Variants in LIPN observed in about 807,000 individuals in gnomAD.
LIPN encodes lipase member N.
Under a neutral mutation model 43.7 loss-of-function variants are expected in LIPN, and 32 were observed. The observed-to-expected ratio is 0.73, with a 90% CI of 0.55 to 0.98. The LOEUF is 0.98. LIPN is among the 50% of genes least tolerant of loss of function. LIPN has a pLI of 0.00. For missense variants in LIPN, 505 were observed against 483.8 expected (o/e 1.04, Z -0.41); for synonymous variants, 156 against 157.6 (o/e 0.99, Z 0.08).
At chr10:88,772,103 ATT>A (rs35059517) in intron 7 of LIPN, among the ~76,000 whole-genome samples, 28,860 of 146,678 alleles carry the variant, frequency 0.2, 2,746 homozygotes, top group Non-Finnish European at 0.21. Context: ...TTTAAATCAG[ATT>A]TTTTTTTTTT....
chr10:88,763,980 T>A (rs1233546698), intron 3 of LIPN, among the ~76,000 whole-genome samples: 2 of 151,978 alleles, frequency 1.3e-5, no homozygotes, highest in African/African-American at 4.8e-5. Context: ...TAGAGCACAG[T>A]AGTTATCAGG....
At position 88,778,817 on chromosome 10, in the gene LIPN, C is replaced by T. The variant is rs769134828; in HGVS notation, c.*575C>T. Reference sequence around the variant, plus strand: ...TTACAATCTTATCCCTGGCTATCTGCGTAAACGGAATCTTGAACCCATAAT... The same window carrying T: ...TTACAATCTTATCCCTGGCTATCTGTGTAAACGGAATCTTGAACCCATAAT... On this transcript the variant is annotated 3_prime_UTR_variant, in exon 10 of 10. Transcript: ENST00000404459. Among the ~76,000 whole-genome samples the T allele has an allele frequency of 6.6e-6, 1 of 152,144 alleles. No individual in the cohort carries two copies. Among genetic ancestry groups the T allele is most frequent in the South Asian group, 2.1e-4 (1 of 4,828 alleles).
intron 7 of LIPN, among the ~76,000 whole-genome samples, chr10:88,771,605 T>G (rs1843210593): frequency 6.6e-6 from 1 of 151,900 alleles, no homozygotes; most frequent in African/African-American, 2.4e-5. Context: ...TCATTCTTCT[T>G]ATGGCTGTCT....
rs374284704 is a variant in LIPN, at chr10:88,766,338, G to T, written c.495G>T (p.Glu165Asp). 1.9e-6 allele frequency: 3 copies of T among 1,609,216 alleles called. No individual in the cohort carries two copies. Among genetic ancestry groups the T allele is most frequent in the Non-Finnish European group, 1.7e-6 (2 of 1,176,362 alleles). ...TCATTGTAAATAAAACTGGTCAGGA[G>T]AAATTGTATTTCATTGGACATTCAC... The part of the protein sequence containing the change: ...IDFIVNKTGQ[E>D]KLYFIGHSLG... The change falls in exon 5 of 10, where the codon GAG becomes GAT. Residue 165 changes from glutamate (E) to aspartate (D), a missense_variant. By Grantham distance (45) the Glu-to-Asp change is conservative. Transcript: ENST00000404459.
chr10:88,765,149 A>C (rs983731989), intron 4 of LIPN, among the ~76,000 whole-genome samples: 2 of 151,852 alleles, frequency 1.3e-5, no homozygotes, highest in Admixed American at 1.3e-4. Context: ...TTTCAGGAAA[A>C]CTCCAATATT....
chr10:88,758,505 G>T (rs1380935387), upstream of LIPN, among the ~76,000 whole-genome samples: 1 of 148,786 alleles, frequency 6.7e-6, no homozygotes, highest in South Asian at 2.1e-4. Flanking sequence ...TAGAAATATT[G>T]TAACATTATA....
chr10:88,769,119 C>T (rs1193918211), intron 6 of LIPN, among the ~76,000 whole-genome samples, 191 bp downstream of exon 6: 1 of 151,882 alleles, frequency 6.6e-6, no homozygotes, highest in Non-Finnish European at 1.5e-5. Flanking sequence ...TCTGCAGGTT[C>T]TGTAATACAA....
In LIPN at chr10:88,764,431, T is replaced by C. The variant is rs771550447; in HGVS notation, c.248T>C (p.Met83Thr). ...RSTGPRPVVYMQHALFADNAY... is the reference protein window; with the variant it reads ...RSTGPRPVVYTQHALFADNAY... Reference sequence around the variant, plus strand: ...CCAGGTCCCCGGCCAGTTGTGTATATGCAGCATGCCCTGTTTGCAGACAAT... The same window carrying C: ...CCAGGTCCCCGGCCAGTTGTGTATACGCAGCATGCCCTGTTTGCAGACAAT... Residue 83 changes from methionine (M) to threonine (T), a missense_variant, in exon 4 of 10, where the codon ATG (methionine) becomes ACG (threonine). Coordinates refer to ENST00000404459, the MANE Select transcript of LIPN (RefSeq NM_001102469.2). 3 of 1,611,986 alleles carry C rather than the reference T, an allele frequency of 1.9e-6. No homozygotes were observed. In the Admixed American group the frequency reaches 5.0e-5, roughly 27 times the overall value.
chr10:88,769,018 G>A (rs1843160564), intron 6 of LIPN, 90 bp downstream of exon 6: 3 of 1,282,740 alleles, frequency 2.3e-6, no homozygotes, highest in Non-Finnish European at 3.3e-6. Flanking sequence ...GTAAAAGTAG[G>A]AAATTTAGAT....
In LIPN at chr10:88,768,015, T is replaced by TACACACATAC. The variant is rs1370426410; in HGVS notation, c.536-770_536-769insTACACACACA. 2.0e-3 allele frequency among the ~76,000 whole-genome samples: 289 copies of TACACACATAC among 141,062 alleles called. 2 individuals carry two copies. Among genetic ancestry groups the TACACACATAC allele is most frequent in the East Asian group, 8.6e-3 (39 of 4,554 alleles). The allele number at this position is 141,062 out of a possible 152,430, so 92.5% of individuals were successfully genotyped here. A position where few individuals can be genotyped will look rare whatever the true frequency, so the allele number is the denominator to read the frequency against. On this transcript the variant is annotated intron_variant, in intron 5 of 9. Coordinates refer to ENST00000404459, the MANE Select transcript of LIPN (RefSeq NM_001102469.2). ...TTTAATGTTCCAACAAGTGTTTCAGTACACACACACACACACACACACACA... is the reference window on the plus strand; with the variant it reads ...TTTAATGTTCCAACAAGTGTTTCAGTACACACATACACACACACACACACACACACACACA...
At chr10:88,774,591 T>C (rs1240436032) in intron 8 of LIPN, 47 bp downstream of exon 8, 1 of 1,489,138 alleles carries the variant, frequency 6.7e-7, no homozygotes, top group Non-Finnish European at 9.4e-7. Flanking sequence ...ATTTTCAATA[T>C]ATTTAAAAAG....
At chr10:88,760,697 C>T (rs1468331684) in intron 1 of LIPN, among the ~76,000 whole-genome samples, 2 of 152,016 alleles carry the variant, frequency 1.3e-5, no homozygotes, top group East Asian at 3.9e-4. Flanking sequence ...ACAAGGAAAC[C>T]AAGAGACAAA....
upstream of LIPN, among the ~76,000 whole-genome samples, chr10:88,757,606 T>A (rs923353178): frequency 2.0e-5 from 3 of 152,200 alleles, no homozygotes; most frequent in African/African-American, 4.8e-5. Context: ...GTAGTATAGA[T>A]GTCACTGAAA....
At chr10:88,761,551 C>T (rs1344432293) in intron 2 of LIPN, 38 bp downstream of exon 2, 2 of 1,386,720 alleles carry the variant, frequency 1.4e-6, no homozygotes, top group Non-Finnish European at 2.1e-6. Flanking sequence ...TCAAATAAAG[C>T]AGGACTAATG....
chr10:88,760,126 T>C lies in LIPN; in HGVS notation c.-9+20T>C, dbSNP rs1325547862. On this transcript the variant is annotated intron_variant, in intron 1 of 9. Coordinates refer to ENST00000404459, the MANE Select transcript of LIPN (RefSeq NM_001102469.2). Reference sequence around the variant, plus strand: ...AACTAGGTAAGATGAAGATCTATCATAACCAGGAGGCAGGTTGGAAGGTGC... The same window carrying C: ...AACTAGGTAAGATGAAGATCTATCACAACCAGGAGGCAGGTTGGAAGGTGC... Among the ~76,000 whole-genome samples, 1 of 152,108 alleles carries C rather than the reference T, an allele frequency of 6.6e-6. No individual in the cohort carries two copies. The highest frequency in any genetic ancestry group is 1.5e-5 in the Non-Finnish European group (1 of 67,996).
intron 4 of LIPN, 62 bp downstream of exon 4, chr10:88,764,670 G>C: frequency 2.5e-6 from 3 of 1,190,062 alleles, no homozygotes; most frequent in African/African-American, 1.5e-5. Context: ...AAATAACGTG[G>C]ACGCTATTAA....
Position 88,768,829 on chromosome 10 carries a change from A to G in LIPN, c.573A>G (p.Gln191=). Residue 191 remains glutamine (Q), a synonymous_variant, in exon 6 of 10, where the codon CAA becomes CAG. Coordinates refer to ENST00000404459, the MANE Select transcript of LIPN (RefSeq NM_001102469.2). The stretch of plus-strand genomic sequence containing the variant: ...TTTCCACCATGCCTGAACTGGCACA[A>G]AGAATCAAAATGAATTTTGCCTTGG... The part of the protein sequence containing the change: ...VAFSTMPELA[Q]RIKMNFALGP... 1 of 1,611,618 alleles carries G rather than the reference A, an allele frequency of 6.2e-7. No homozygotes were observed. The highest frequency in any genetic ancestry group is 8.5e-7 in the Non-Finnish European group (1 of 1,178,522).
intron 7 of LIPN, among the ~76,000 whole-genome samples, chr10:88,773,684 G>A (rs1843248170): frequency 6.6e-6 from 1 of 151,918 alleles, no homozygotes; most frequent in African/African-American, 2.4e-5. Context: ...GGCTGTTACA[G>A]TGAAGCCAGT....
chr10:88,773,842 G>T (rs2134858211), intron 7 of LIPN, among the ~76,000 whole-genome samples: 2 of 152,026 alleles, frequency 1.3e-5, no homozygotes, highest in Middle Eastern at 6.8e-3. Context: ...CTAAGACATA[G>T]AATTATGATT....
Sources: gnomAD v4.1 joint callset for allele counts (sites outside exome capture counted in the v4.1 genomes callset) on GRCh38, gnomAD v4.1.1 for gene constraint, MANE v1.5 for transcripts, NCBI Gene and HGNC (gene_info 2026-07-23, HGNC 2026-07-21) for gene names.